STRIP1: variants seen among roughly 807,000 people sequenced by gnomAD.
The protein encoded by STRIP1 is striatin interacting protein 1, also known as striatin-interacting protein 1.
STRIP1 carries 63 observed loss-of-function variants against 106.2 expected under a neutral mutation model. The ratio of observed to expected loss-of-function variants is 0.59; its 90% CI spans 0.48 to 0.73. The LOEUF (loss-of-function observed/expected upper bound fraction) is 0.73. Ranked by LOEUF, STRIP1 falls within the 30% of genes least tolerant of loss-of-function variation. The pLI is 0.00. For missense variants in STRIP1, 857 were observed against 1,074.8 expected (o/e 0.80, Z 2.83); for synonymous variants, 390 against 413.0 (o/e 0.94, Z 0.67).
At position 110,037,900 on chromosome 1, in the gene STRIP1, G is replaced by C; in HGVS notation, c.190G>C (p.Glu64Gln). The change falls in exon 2 of 21, where the codon GAG becomes CAG. Residue 64 changes from glutamate to glutamine, a missense_variant. By Grantham distance (29) the Glu-to-Gln change is conservative. Coordinates refer to ENST00000369795, the MANE Select transcript of STRIP1 (RefSeq NM_033088.4). ...NQRKDSEGYS[E>Q]SPDLEFEYAD... ...CTCCTCTTGTCAGCAGGGCTATTCG[G>C]AGTCACCAGACCTGGAGTTTGAGTA... The C allele has an allele frequency of 1.2e-6, 2 of 1,610,048 alleles. No homozygotes were observed. The highest frequency in any genetic ancestry group is 1.7e-6 in the Non-Finnish European group (2 of 1,176,840).
At chr1:110,032,294 G>T (rs578099017), upstream of STRIP1, among the ~76,000 whole-genome samples, 1 of 152,234 alleles carries the variant, frequency 6.6e-6, no homozygotes, top group South Asian at 2.1e-4. Flanking sequence ...ATAGCAGTGT[G>T]GTGGTTTTGG....
At position 110,038,706 on chromosome 1, in the gene STRIP1, C is replaced by A. The variant is rs747859134; in HGVS notation, c.274C>A (p.Pro92Thr). 1 of 1,614,112 alleles carries A rather than the reference C, an allele frequency of 6.2e-7. No homozygotes were observed. The highest frequency in any genetic ancestry group is 8.5e-7 in the Non-Finnish European group (1 of 1,180,004). ...AGAGCTTTACAGCTACACGGAAGGG[C>A]CAGAATTCCTGATGAATCGAAAATG... ...LSELYSYTEG[P>T]EFLMNRKCFE... Residue 92 changes from proline to threonine, a missense_variant, in exon 3 of 21, where the codon CCA becomes ACA. Pro to Thr is a conservative substitution (Grantham distance 38). Transcript: ENST00000369795.
Position 110,046,691 on chromosome 1 carries a change from G to A in STRIP1, c.1428G>A (p.Thr476=), listed in dbSNP as rs763864326. Residue 476 remains threonine (T), a synonymous_variant, in exon 13 of 21, where the codon ACG becomes ACA. Coordinates refer to ENST00000369795, the MANE Select transcript of STRIP1 (RefSeq NM_033088.4). ...SIKTLKQHKY[T]SIAEVQAQME... ...ATCTCTCCCACCAGCACAAGTACACGTCGATTGCAGAGGTCCAGGCACAGA... is the reference window on the plus strand; with the variant it reads ...ATCTCTCCCACCAGCACAAGTACACATCGATTGCAGAGGTCCAGGCACAGA... 8.3e-5 allele frequency: 134 copies of A among 1,613,110 alleles called. No homozygotes were observed. The highest frequency in any genetic ancestry group is 1.1e-4 in the Non-Finnish European group (129 of 1,179,440).
chr1:110,038,698 C>T lies in STRIP1; in HGVS notation c.266C>T (p.Thr89Met), dbSNP rs1025811191. ...GTTCTGACAGAGCTTTACAGCTACACGGAAGGGCCAGAATTCCTGATGAAT... is the reference window on the plus strand; with the variant it reads ...GTTCTGACAGAGCTTTACAGCTACATGGAAGGGCCAGAATTCCTGATGAAT... ...AAELSELYSY[T>M]EGPEFLMNRK... is the part of the protein sequence containing the mutation. The change falls in exon 3 of 21, where the codon ACG becomes ATG. Residue 89 changes from threonine to methionine, a missense_variant. This residue lies in a region of STRIP1 where 750 missense variants were observed against 989.8 expected (regional missense o/e 0.76). Coordinates refer to ENST00000369795, the MANE Select transcript of STRIP1 (RefSeq NM_033088.4). 21 of 1,614,070 alleles carry T rather than the reference C, an allele frequency of 1.3e-5. No homozygotes were observed. The highest frequency in any genetic ancestry group is 1.4e-5 in the Non-Finnish European group (17 of 1,179,952).
rs1653191145 is a variant in STRIP1, at chr1:110,049,483, G to A, written c.1812G>A (p.Leu604=). Residue 604 remains leucine, a synonymous_variant, in exon 17 of 21, where the codon CTG becomes CTA. Transcript: ENST00000369795. The part of the protein sequence containing the change: ...VYQFEYMAQH[L]VFANCIPLIL... ...AGTTTGAATACATGGCCCAGCACCT[G>A]GTGTTTGCCAACTGCATTCCTTTGA... 6.2e-7 allele frequency: 1 copy of A among 1,608,920 alleles called. No individual in the cohort carries two copies. The highest frequency in any genetic ancestry group is 1.4e-5 in the African/African-American group (1 of 73,760).
chr1:110,050,678 C>T (rs572398035), intron 18 of STRIP1, among the ~76,000 whole-genome samples: 3 of 152,338 alleles, frequency 2.0e-5, no homozygotes, highest in Admixed American at 1.3e-4. Context: ...TTCTCTCCCT[C>T]AACACTGGAC....
At chr1:110,046,777 C>G in intron 13 of STRIP1, 26 bp downstream of exon 13, 1 of 1,585,066 alleles carries the variant, frequency 6.3e-7, no homozygotes, top group Non-Finnish European at 8.7e-7. Context: ...TCAGTCCGGG[C>G]GCGGTGGCTC....
upstream of STRIP1, among the ~76,000 whole-genome samples, chr1:110,034,194 C>T (rs919745177): frequency 6.6e-6 from 1 of 152,190 alleles, no homozygotes; most frequent in African/African-American, 2.4e-5. Context: ...TATCCCACTG[C>T]TTGGTGCACA....
Position 110,047,832 on chromosome 1 carries a change from A to G in STRIP1, c.1624A>G (p.Ile542Val), listed in dbSNP as rs1419629061. The change falls in exon 15 of 21, where the codon ATC (isoleucine) becomes GTC (valine). Residue 542 changes from isoleucine to valine, a missense_variant. Ile to Val is a conservative substitution (Grantham distance 29, BLOSUM62 3). This residue lies in a region of STRIP1 where 750 missense variants were observed against 989.8 expected (regional missense o/e 0.76). Transcript: ENST00000369795. Reference sequence around the variant, plus strand: ...CACCTCAAAAGCCAAAACAGACTCAATCAACATCCTAGCGGACGTCTTGCC... The same window carrying G: ...CACCTCAAAAGCCAAAACAGACTCAGTCAACATCCTAGCGGACGTCTTGCC... ...APTSKAKTDSINILADVLPEE... is the reference protein window; with the variant it reads ...APTSKAKTDSVNILADVLPEE... 7 of 1,567,898 alleles carry G rather than the reference A, an allele frequency of 4.5e-6. No homozygotes were observed. Among genetic ancestry groups the G allele is most frequent in the East Asian group, 2.3e-5 (1 of 42,888 alleles).
In STRIP1 at chr1:110,054,280, A is replaced by T. The variant is rs1455006348; in HGVS notation, c.*368A>T. 4.4e-6 allele frequency: 1 copy of T among 227,794 alleles called. No homozygotes were observed. The highest frequency in any genetic ancestry group is 2.3e-5 in the African/African-American group (1 of 43,904). The allele number at this position is 227,794 out of a possible 1,614,324, so 14.1% of individuals were successfully genotyped here. On this transcript the variant is annotated 3_prime_UTR_variant, in exon 21 of 21. Coordinates refer to ENST00000369795, the MANE Select transcript of STRIP1 (RefSeq NM_033088.4). ...AGGGGTCATGCTGATGCCTCTCGAG[A>T]CATACAAATCCTTGCTTTGTCAGCT...
intron 19 of STRIP1, 30 bp downstream of exon 19, chr1:110,051,090 G>A: frequency 7.0e-7 from 1 of 1,433,134 alleles, no homozygotes; most frequent in South Asian, 1.1e-5. Flanking sequence ...CAGCAGGCTT[G>A]GAACTTGGAG....
Position 110,053,916 on chromosome 1 carries a change from TGTTG to T in STRIP1, c.*8_*11del. On this transcript the variant is annotated 3_prime_UTR_variant, in exon 21 of 21. Transcript: ENST00000369795. The stretch of plus-strand genomic sequence containing the variant: ...CTGGGAAGAGCTGCTGCAGTGAGGC[TGTTG>T]GTTAGGGGACTGAAATGGAGAGAAA... The T allele has an allele frequency of 1.2e-6, 2 of 1,613,962 alleles. No individual in the cohort carries two copies. Among genetic ancestry groups the T allele is most frequent in the Middle Eastern group, 1.7e-4 (1 of 6,042 alleles).
intron 9 of STRIP1, 97 bp from the exon 10 acceptor site, chr1:110,043,542 C>G: frequency 8.9e-7 from 1 of 1,129,258 alleles, no homozygotes; most frequent in Non-Finnish European, 1.3e-6. Flanking sequence ...GTTCTTGCCT[C>G]TACTGGACAC....
At chr1:110,035,140 A>C (rs2101761850) in intron 1 of STRIP1, among the ~76,000 whole-genome samples, 1 of 152,216 alleles carries the variant, frequency 6.6e-6, no homozygotes, top group East Asian at 1.9e-4. Flanking sequence ...CTCGGGGGTG[A>C]GGAGTCGGGG....
At chr1:110,038,069 CAAATATATAT>C (rs1557787629) in intron 2 of STRIP1, 109 bp downstream of exon 2, 1 of 183,072 alleles carries the variant, frequency 5.5e-6, no homozygotes, top group Non-Finnish European at 9.7e-6. Flanking sequence ...CTAGTTCTAT[CAAATATATAT>C]ATATATATAT....
intron 14 of STRIP1, 33 bp downstream of exon 14, chr1:110,047,649 A>G: frequency 6.3e-7 from 1 of 1,584,408 alleles, no homozygotes; most frequent in Non-Finnish European, 8.6e-7. Flanking sequence ...CACTCCCACT[A>G]CACTGGCCTT....
intron 10 of STRIP1, 73 bp downstream of exon 10, chr1:110,043,929 C>A: frequency 7.2e-7 from 1 of 1,379,488 alleles, no homozygotes; most frequent in Non-Finnish European, 1.0e-6. Flanking sequence ...TGCCACCTGG[C>A]CTGTGTCACC....
At chr1:110,048,622 G>T (rs537801133) in intron 15 of STRIP1, among the ~76,000 whole-genome samples, 133 of 152,382 alleles carry the variant, frequency 8.7e-4, no homozygotes, top group African/African-American at 3.1e-3. Context: ...CTGTATATTT[G>T]ATTCATGGAT....
At chr1:110,045,479 TAAAAAAAAA>T (rs778489038) in intron 12 of STRIP1, 2 of 102,936 alleles carry the variant, frequency 1.9e-5, no homozygotes, top group Non-Finnish European at 4.0e-5. Context: ...CCGGATTCTT[TAAAAAAAAA>T]AAAAAAAAAA....
Sources: allele counts gnomAD v4.1 joint callset (sites outside exome capture counted in the v4.1 genomes callset), GRCh38; gene constraint gnomAD v4.1.1; regional missense constraint gnomAD v4.1.1; transcripts MANE v1.5; gene names NCBI Gene and HGNC (gene_info 2026-07-23, HGNC 2026-07-21).